Variants in MINDY4 observed in about 807,000 individuals in gnomAD.
The protein encoded by MINDY4 is probable ubiquitin carboxyl-terminal hydrolase MINDY-4.
A neutral mutation model predicts 87.0 loss-of-function variants in MINDY4; 68 were observed. That is an observed-to-expected ratio of 0.78 (90% confidence interval 0.64 to 0.96). MINDY4 has a LOEUF of 0.96. Ranked by LOEUF, MINDY4 falls within the 40% of genes least tolerant of loss-of-function variation. The probability of loss-of-function intolerance (pLI) is 0.00; values close to 1 mark genes in which losing one functional copy is unlikely to be tolerated. For synonymous variants in MINDY4, 379 were observed against 363.2 expected (o/e 1.04, Z -0.50); for missense variants, 919 against 928.2 (o/e 0.99, Z 0.13).
At chr7:30,814,781 A>G (rs1788100067) in intron 5 of MINDY4, among the ~76,000 whole-genome samples, 1 of 152,218 alleles carries the variant, frequency 6.6e-6, no homozygotes, top group Non-Finnish European at 1.5e-5. Context: ...ATTTAAGTGT[A>G]AGCCTCTTCA....
intron 1 of MINDY4, 110 bp from the exon 2 acceptor site, chr7:30,778,322 G>C (rs1408461519): frequency 7.2e-7 from 1 of 1,382,282 alleles, no homozygotes; most frequent in Non-Finnish European, 1.0e-6. Flanking sequence ...AAGTGTAAAG[G>C]TTATATGAGA....
At chr7:30,832,139 T>C (rs1249753609) in intron 6 of MINDY4, among the ~76,000 whole-genome samples, 1 of 152,244 alleles carries the variant, frequency 6.6e-6, no homozygotes, top group East Asian at 1.9e-4. Flanking sequence ...CTCTGGCCTA[T>C]GCTCCATTGG....
intron 5 of MINDY4, among the ~76,000 whole-genome samples, chr7:30,808,247 G>T (rs1353848423): frequency 6.6e-6 from 1 of 152,140 alleles, no homozygotes; most frequent in Admixed American, 6.5e-5. Context: ...TCTGAAACTT[G>T]GTAAGACTAG....
At chr7:30,783,078 C>T (rs1303810923) in intron 3 of MINDY4, among the ~76,000 whole-genome samples, 1 of 152,222 alleles carries the variant, frequency 6.6e-6, no homozygotes, top group Non-Finnish European at 1.5e-5. Flanking sequence ...TATTCTCTTA[C>T]AGTTCTGGAG....
intron 12 of MINDY4, chr7:30,858,094 A>G (rs1226135306): frequency 1.3e-5 from 2 of 151,064 alleles, no homozygotes; most frequent in African/African-American, 4.8e-5. Flanking sequence ...AACACTGACT[A>G]TTATAACAGG....
chr7:30,857,619 C>A (rs1444402043), intron 12 of MINDY4: 1 of 111,894 alleles, frequency 8.9e-6, no homozygotes, highest in Non-Finnish European at 1.6e-5. Context: ...ACTACAGGCG[C>A]CCGCTACCAC....
intron 14 of MINDY4, among the ~76,000 whole-genome samples, chr7:30,874,731 TGCCTACTGAA>T (rs1420061281): frequency 6.6e-6 from 1 of 152,188 alleles, no homozygotes; most frequent in African/African-American, 2.4e-5. Flanking sequence ...CTGTTCTTGC[TGCCTACTGAA>T]GTACCTTCCT....
At chr7:30,883,427 C>T (rs532746531) in intron 17 of MINDY4, among the ~76,000 whole-genome samples, 21 of 152,204 alleles carry the variant, frequency 1.4e-4, no homozygotes, top group African/African-American at 3.9e-4. Flanking sequence ...CTGCCTGGAG[C>T]GACACCCTCT....
Position 30,791,224 on chromosome 7 carries a change from C to G in MINDY4, c.723C>G (p.Pro241=), listed in dbSNP as rs776501754. ...CACCGTCAAGCAGCTCCACCCAACCCCAAGAAGAGAGCCGGAAGGTCCCTG... is the reference window on the plus strand; with the variant it reads ...CACCGTCAAGCAGCTCCACCCAACCGCAAGAAGAGAGCCGGAAGGTCCCTG... ...RSSPSSSSTQ[P]QEESRKVPEL... Residue 241 remains proline, a synonymous_variant, in exon 5 of 18, where the codon CCC becomes CCG. Coordinates refer to ENST00000265299, the MANE Select transcript of MINDY4 (RefSeq NM_032222.3). The G allele has an allele frequency of 1.8e-5, 29 of 1,614,050 alleles. No individual in the cohort carries two copies. Among genetic ancestry groups the G allele is most frequent in the African/African-American group, 2.7e-5 (2 of 74,928 alleles).
intron 5 of MINDY4, among the ~76,000 whole-genome samples, chr7:30,819,077 T>C (rs1243052119): frequency 6.6e-6 from 1 of 152,168 alleles, no homozygotes; most frequent in Non-Finnish European, 1.5e-5. Flanking sequence ...ATCTTGCATT[T>C]ATTTTTCCTC....
chr7:30,883,689 C>T (rs1434704065), intron 17 of MINDY4, among the ~76,000 whole-genome samples: 2 of 152,190 alleles, frequency 1.3e-5, no homozygotes, highest in East Asian at 1.9e-4. Context: ...CCCCTTGCCC[C>T]GGCAGGCCCT....
intron 10 of MINDY4, among the ~76,000 whole-genome samples, chr7:30,851,140 C>T (rs1035178766): frequency 2.0e-5 from 3 of 152,212 alleles, no homozygotes; most frequent in African/African-American, 7.2e-5. Flanking sequence ...CAGCCTGATC[C>T]GTCAGAGTGG....
intron 12 of MINDY4, among the ~76,000 whole-genome samples, chr7:30,855,534 G>A (rs1320215228): frequency 6.6e-6 from 1 of 152,138 alleles, no homozygotes; most frequent in Non-Finnish European, 1.5e-5. Flanking sequence ...GGCTTCAGGG[G>A]CTAAGGTGGA....
chr7:30,792,327 G>A (rs1469102568), intron 5 of MINDY4, among the ~76,000 whole-genome samples: 1 of 152,170 alleles, frequency 6.6e-6, no homozygotes, highest in African/African-American at 2.4e-5. Context: ...GTAGGTTTAT[G>A]AAGAAGATTG....
At chr7:30,778,899 G>T (rs916215374) in intron 2 of MINDY4, among the ~76,000 whole-genome samples, 2 of 152,178 alleles carry the variant, frequency 1.3e-5, no homozygotes, top group African/African-American at 4.8e-5. Context: ...ATCGTATCCA[G>T]TTATACTAAA....
rs371135723 is a variant in MINDY4 at position 30,850,557 on chromosome 7, T to G, written c.1547+2T>G. The G allele has an allele frequency of 4.0e-5, 64 of 1,597,788 alleles. No homozygotes were observed. The Middle Eastern group carries it at 8.5e-4, about 21-fold the overall frequency. On this transcript the variant is annotated splice_donor_variant, in intron 10 of 17. Transcript: ENST00000265299. LOFTEE classifies it high-confidence loss of function. ...CCGAGAGAGAGCCGTTGTTGCACTG[T>G]AAGTGGTTCCGAGGTCTGTGTTGCC...
At chr7:30,792,930 T>G (rs1787367726) in intron 5 of MINDY4, among the ~76,000 whole-genome samples, 1 of 151,928 alleles carries the variant, frequency 6.6e-6, no homozygotes, top group South Asian at 2.1e-4. Flanking sequence ...CTTCTTCTTT[T>G]GTAATATGTT....
Position 30,841,629 on chromosome 7 carries a change from C to CT in MINDY4, c.1445+787dup, listed in dbSNP as rs565078328. Among the ~76,000 whole-genome samples, 579 of 150,918 alleles carry CT rather than the reference C, an allele frequency of 3.8e-3. 5 individuals carry two copies. The highest frequency in any genetic ancestry group is 0.013 in the African/African-American group (517 of 40,998). ...AGCTACAGAACTTCTGGCAATTGGC[C>CT]TTTTTTAAAAAAAAAAAATTTAGTT... is the stretch of plus-strand genomic sequence containing the variant. On this transcript the variant is annotated intron_variant, in intron 9 of 17. Transcript: ENST00000265299.
intron 1 of MINDY4, 69 bp from the exon 2 acceptor site, chr7:30,778,359 TTTGC>T: frequency 6.3e-7 from 1 of 1,597,524 alleles, no homozygotes; most frequent in South Asian, 1.1e-5. Context: ...TCAGGAATCG[TTTGC>T]TTGTGCTTTA....
Sources: gnomAD v4.1 joint callset for allele counts (sites outside exome capture counted in the v4.1 genomes callset) on GRCh38, gnomAD v4.1.1 for gene constraint, MANE v1.5 for transcripts, NCBI Gene and HGNC (gene_info 2026-07-23, HGNC 2026-07-21) for gene names.